CDK14: variants seen among roughly 807,000 people sequenced by gnomAD.
CDK14 encodes the protein cyclin-dependent kinase 14.
CDK14 carries 34 observed loss-of-function variants against 60.7 expected under a neutral mutation model. The observed-to-expected ratio is 0.56, with a 90% confidence interval of 0.43 to 0.75. CDK14 has a LOEUF of 0.75. Among genes scored for constraint, CDK14 ranks in the 30% least tolerant of loss-of-function variants. CDK14 has a pLI of 0.00. For synonymous variants in CDK14, 197 were observed against 203.7 expected (o/e 0.97, Z 0.28); for missense variants, 482 against 564.1 (o/e 0.85, Z 1.47).
chr7:90,645,781 C>T (rs1250550463), intron 2 of CDK14, among the ~76,000 whole-genome samples: 1 of 152,184 alleles, frequency 6.6e-6, no homozygotes, highest in Non-Finnish European at 1.5e-5. Context: ...AAAAGATTTT[C>T]CATCTTTAAC....
At chr7:90,767,905 C>T (rs750417152) in intron 4 of CDK14, among the ~76,000 whole-genome samples, 4 of 152,178 alleles carry the variant, frequency 2.6e-5, no homozygotes, top group Non-Finnish European at 5.9e-5. Flanking sequence ...GTTGGGGAGA[C>T]ATTGATTCTC....
chr7:90,803,900 C>T (rs1481941177), intron 5 of CDK14, among the ~76,000 whole-genome samples: 1 of 152,068 alleles, frequency 6.6e-6, no homozygotes, highest in Non-Finnish European at 1.5e-5. Context: ...CAAAGTCATA[C>T]AAATAATTAA....
At chr7:90,599,103 A>G (rs1799261327) in intron 1 of CDK14, among the ~76,000 whole-genome samples, 1 of 152,210 alleles carries the variant, frequency 6.6e-6, no homozygotes, top group South Asian at 2.1e-4. Context: ...TGTCACACAG[A>G]CTGTTTCCCA....
intron 12 of CDK14, among the ~76,000 whole-genome samples, chr7:91,108,718 G>C (rs1799385423): frequency 6.6e-6 from 1 of 152,110 alleles, no homozygotes; most frequent in Admixed American, 6.5e-5. Flanking sequence ...ATTTCTTAAT[G>C]TCTTTTTATA....
At chr7:90,735,584 C>T (rs932510318) in intron 3 of CDK14, among the ~76,000 whole-genome samples, 1 of 152,236 alleles carries the variant, frequency 6.6e-6, no homozygotes, top group African/African-American at 2.4e-5. Flanking sequence ...CTACAGTGGG[C>T]TCTGCCCATT....
intron 10 of CDK14, among the ~76,000 whole-genome samples, chr7:91,037,733 CT>C (rs1288043840): frequency 6.6e-6 from 1 of 152,166 alleles, no homozygotes; most frequent in Admixed American, 6.5e-5. Flanking sequence ...TAAAGGATAG[CT>C]TATTTTCTTG....
At chr7:90,665,260 G>C (rs1021437304) in intron 2 of CDK14, among the ~76,000 whole-genome samples, 3 of 151,446 alleles carry the variant, frequency 2.0e-5, no homozygotes, top group Non-Finnish European at 4.4e-5. Flanking sequence ...ACTCCAGCCC[G>C]GCAACAGAGT....
intron 3 of CDK14, among the ~76,000 whole-genome samples, chr7:90,729,938 A>T (rs574933833): frequency 6.6e-6 from 1 of 152,052 alleles, no homozygotes; most frequent in Non-Finnish European, 1.5e-5. Context: ...GGTTTGTTAC[A>T]TAGGTATACA....
At chr7:90,819,546 C>G (rs902975550) in intron 5 of CDK14, among the ~76,000 whole-genome samples, 2 of 150,462 alleles carry the variant, frequency 1.3e-5, no homozygotes, top group Non-Finnish European at 3.0e-5. Context: ...TTTTTAATTA[C>G]TGTAGGCCTG....
chr7:91,082,283 TCGG>T (rs1798503966), intron 12 of CDK14, among the ~76,000 whole-genome samples: 1 of 152,208 alleles, frequency 6.6e-6, no homozygotes, highest in African/African-American at 2.4e-5. Context: ...CTGAATGATT[TCGG>T]AGGTTTGAAA....
At chr7:91,014,408 T>C (rs1357925232) in intron 10 of CDK14, among the ~76,000 whole-genome samples, 1 of 152,230 alleles carries the variant, frequency 6.6e-6, no homozygotes, top group Non-Finnish European at 1.5e-5. Flanking sequence ...TATTACTTTG[T>C]GAACTTTTCG....
intron 11 of CDK14, among the ~76,000 whole-genome samples, chr7:91,053,647 G>A (rs192205706): frequency 7.9e-5 from 12 of 152,246 alleles, no homozygotes; most frequent in Admixed American, 4.6e-4. Flanking sequence ...ACATACTATC[G>A]GAACTGCCCA....
chr7:90,683,470 T>G (rs919400919), intron 2 of CDK14, among the ~76,000 whole-genome samples: 2 of 152,210 alleles, frequency 1.3e-5, no homozygotes, highest in Non-Finnish European at 2.9e-5. Context: ...CATTTCCCCA[T>G]GGACCCTGAT....
chr7:91,142,384 A>G (rs1349961364), intron 14 of CDK14, among the ~76,000 whole-genome samples: 9 of 152,212 alleles, frequency 5.9e-5, no homozygotes, highest in Non-Finnish European at 8.8e-5. Context: ...CTGAGAAGCA[A>G]TTGCTATTTA....
chr7:90,786,223 C>G (rs1463924831), intron 4 of CDK14, among the ~76,000 whole-genome samples: 1 of 152,216 alleles, frequency 6.6e-6, no homozygotes, highest in African/African-American at 2.4e-5. Context: ...TTGGCAGTAA[C>G]TGCAATAGAA....
chr7:91,066,963 C>T (rs944375028), intron 11 of CDK14, among the ~76,000 whole-genome samples: 1 of 152,114 alleles, frequency 6.6e-6, no homozygotes, highest in East Asian at 1.9e-4. Flanking sequence ...GTGAGTTAGC[C>T]AGTGCTTTAA....
At chr7:91,149,449 G>A (rs1023831868) in intron 14 of CDK14, among the ~76,000 whole-genome samples, 3 of 152,164 alleles carry the variant, frequency 2.0e-5, no homozygotes, top group African/African-American at 7.2e-5. Context: ...CTGATGGACT[G>A]CAAATGATAT....
intron 2 of CDK14, chr7:90,710,537 T>C (rs1039972458): frequency 2.0e-5 from 20 of 985,226 alleles, no homozygotes; most frequent in Non-Finnish European, 2.3e-5. Context: ...ATACACCTGC[T>C]TTAAGTGTGT....
chr7:90,705,120 T>C (rs1380944597), intron 2 of CDK14, among the ~76,000 whole-genome samples: 1 of 151,866 alleles, frequency 6.6e-6, no homozygotes, highest in Non-Finnish European at 1.5e-5. Context: ...GGAAAATTTC[T>C]GTTTTCTTTA....
Sources: allele counts gnomAD v4.1 joint callset (sites outside exome capture counted in the v4.1 genomes callset), GRCh38; gene constraint gnomAD v4.1.1; transcripts MANE v1.5; gene names NCBI Gene and HGNC (gene_info 2026-07-23, HGNC 2026-07-21).